Variants in HPSE observed in about 807,000 individuals in gnomAD.
The protein encoded by HPSE is heparanase.
HPSE carries 48 observed loss-of-function variants against 65.1 expected under a neutral mutation model. That is an observed-to-expected ratio of 0.74 (90% CI 0.58 to 0.94). HPSE has a LOEUF of 0.94. HPSE is among the 40% of genes least tolerant of loss of function. The pLI, the probability that HPSE is intolerant of heterozygous loss-of-function variation, is 0.00. For synonymous variants in HPSE, 243 were observed against 260.0 expected, an observed-to-expected ratio of 0.93 and a Z score of 0.63; for missense variants, 644 against 637.5, an observed-to-expected ratio of 1.01 and a Z score of -0.11.
chr4:83,306,146 G>A (rs1322782184), intron 9 of HPSE, 57 bp downstream of exon 9: 2 of 974,158 alleles, frequency 2.1e-6, no homozygotes, highest in African/African-American at 1.6e-5. Context: ...TAACACCAGA[G>A]GTCCTGAGTT....
intron 3 of HPSE, among the ~76,000 whole-genome samples, chr4:83,314,118 T>C (rs1206730562): frequency 6.6e-6 from 1 of 151,808 alleles, no homozygotes; most frequent in Non-Finnish European, 1.5e-5. Context: ...CCGGGCATGA[T>C]GGTAAGCACC....
At chr4:83,301,200 TA>T in intron 10 of HPSE, 94 bp from the exon 11 acceptor site, 1 of 754,516 alleles carries the variant, frequency 1.3e-6, no homozygotes, top group African/African-American at 1.8e-5. Context: ...TTAGTATCCA[TA>T]ATGACAATCC....
chr4:83,296,682 A>C (rs1735735372), intron 11 of HPSE, among the ~76,000 whole-genome samples: 1 of 151,950 alleles, frequency 6.6e-6, no homozygotes. Context: ...AAAAAGAAAA[A>C]AAAAAAAAAG....
chr4:83,319,503 T>A, intron 2 of HPSE, 34 bp from the exon 3 acceptor site: 1 of 1,600,412 alleles, frequency 6.2e-7, no homozygotes, highest in Non-Finnish European at 8.6e-7. Context: ...GAAGGTCTGT[T>A]TTCACAGTGA....
intron 1 of HPSE, among the ~76,000 whole-genome samples, chr4:83,331,256 A>T (rs1261439309): frequency 6.6e-6 from 1 of 152,158 alleles, no homozygotes. Flanking sequence ...TAAATAATAC[A>T]CGCCAGATTA....
intron 9 of HPSE, among the ~76,000 whole-genome samples, chr4:83,303,304 T>C (rs1736026973): frequency 6.6e-6 from 1 of 152,194 alleles, no homozygotes; most frequent in Non-Finnish European, 1.5e-5. Flanking sequence ...TACCTGTTTT[T>C]TCACATTAAT....
chr4:83,304,759 G>C (rs1736090057), intron 9 of HPSE, among the ~76,000 whole-genome samples: 1 of 152,118 alleles, frequency 6.6e-6, no homozygotes, highest in Non-Finnish European at 1.5e-5. Context: ...CAAGACAAAT[G>C]GCTTTTGTTT....
In HPSE at chr4:83,319,278, C is replaced by A. The variant is rs934797913; in HGVS notation, c.499+66G>T. The A allele has an allele frequency of 4.6e-6, 7 of 1,517,754 alleles. No homozygotes were observed. The South Asian group carries it at 6.9e-5, about 15-fold the overall frequency. The allele number at this position is 1,517,754 out of a possible 1,614,324, so 94.0% of individuals were successfully genotyped here. A position where few individuals can be genotyped will look rare whatever the true frequency, so the allele number is the denominator to read the frequency against. On this transcript the variant is annotated intron_variant, in intron 3 of 11. Coordinates refer to ENST00000311412, the MANE Select transcript of HPSE (RefSeq NM_001098540.3). Reference sequence around the variant, plus strand: ...TTCCGTAGGACTTGCTAGATTGGTGCCCGAGTCCAACCTATTCAAATATCT... The same window carrying A: ...TTCCGTAGGACTTGCTAGATTGGTGACCGAGTCCAACCTATTCAAATATCT...
chr4:83,334,974 A>G, upstream of HPSE: 1 of 774,454 alleles, frequency 1.3e-6, no homozygotes, highest in Non-Finnish European at 1.8e-6. Flanking sequence ...TCCCAATCCA[A>G]CCCCGCCCCG....
chr4:83,334,388 T>G (rs1737526702), intron 1 of HPSE, among the ~76,000 whole-genome samples, 168 bp downstream of exon 1: 1 of 150,336 alleles, frequency 6.7e-6, no homozygotes, highest in Admixed American at 6.6e-5. Flanking sequence ...GGTCTGAGAG[T>G]AAGGGAGGGA....
At chr4:83,297,414 A>G (rs964939740) in intron 11 of HPSE, among the ~76,000 whole-genome samples, 5 of 151,062 alleles carry the variant, frequency 3.3e-5, no homozygotes, top group Admixed American at 6.6e-5. Context: ...ACCCCAGCAC[A>G]TCCTAACTTT....
At chr4:83,327,854 C>T (rs1737210974) in intron 1 of HPSE, among the ~76,000 whole-genome samples, 1 of 152,100 alleles carries the variant, frequency 6.6e-6, no homozygotes, top group Non-Finnish European at 1.5e-5. Flanking sequence ...TCCCAGAGAG[C>T]CAGTTGTTAA....
Position 83,322,789 on chromosome 4 carries a change from T to TG in HPSE, c.228-426_228-425insC, listed in dbSNP as rs1560514324. ...AGCTCTAATTCTGGCAAGAGCTTGT[T>TG]TGTGTGTGTGTGTGTGTGTGTGTGT... On this transcript the variant is annotated intron_variant, in intron 1 of 11. Transcript: ENST00000311412. 9.6e-3 allele frequency among the ~76,000 whole-genome samples: 996 copies of TG among 104,050 alleles called. 29 individuals are homozygous for TG. The highest frequency in any genetic ancestry group is 0.019 in the African/African-American group (522 of 27,436). 68.3% of individuals were successfully genotyped at this position (104,050 alleles called of 152,430 possible). A position where few individuals can be genotyped will look rare whatever the true frequency, so the allele number is the denominator to read the frequency against.
chr4:83,304,270 T>G (rs1736073137), intron 9 of HPSE, among the ~76,000 whole-genome samples: 1 of 152,218 alleles, frequency 6.6e-6, no homozygotes, highest in African/African-American at 2.4e-5. Flanking sequence ...GAAGTTATCT[T>G]CAGTGATTAA....
chr4:83,302,231 C>A lies in HPSE; in HGVS notation c.1244G>T (p.Gly415Val), dbSNP rs368692638. The A allele has an allele frequency of 6.2e-7, 1 of 1,613,672 alleles. No homozygotes were observed. Among genetic ancestry groups the A allele is most frequent in the African/African-American group, 1.3e-5 (1 of 75,040 alleles). The change falls in exon 10 of 12, where the codon GGC becomes GTC. Residue 415 changes from glycine (G) to valine (V), a missense_variant. Coordinates refer to ENST00000311412, the MANE Select transcript of HPSE (RefSeq NM_001098540.3). ...WLSLLFKKLVGTKVLMASVQG... is the reference protein window; with the variant it reads ...WLSLLFKKLVVTKVLMASVQG... ...CACGCTTGCCATTAACACCTTGGTG[C>A]CCACCAATTTCTTGAACAGAAGAGA...
chr4:83,308,664 T>G (rs1199988629), intron 8 of HPSE, among the ~76,000 whole-genome samples, 181 bp downstream of exon 8: 1 of 152,224 alleles, frequency 6.6e-6, no homozygotes, highest in African/African-American at 2.4e-5. Flanking sequence ...TTTGGAACAC[T>G]TGTTAAAGAT....
chr4:83,324,122 T>TTC (rs1253137668), intron 1 of HPSE, among the ~76,000 whole-genome samples: 23 of 136,668 alleles, frequency 1.7e-4, no homozygotes, highest in African/African-American at 6.7e-4. Context: ...TCTTTTTTTT[T>TTC]TTTTTTTTTT....
rs200476869 is a variant in HPSE, at chr4:83,319,508, C to T, written c.374-39G>A. On this transcript the variant is annotated intron_variant, in intron 2 of 11. Coordinates refer to ENST00000311412, the MANE Select transcript of HPSE (RefSeq NM_001098540.3). ...AGATCATTTAGAAGGTCTGTTTTCA[C>T]AGTGAGCAGACTGAAATCGCATATA... is the stretch of plus-strand genomic sequence containing the variant. 35 of 1,594,342 alleles carry T rather than the reference C, an allele frequency of 2.2e-5. 2 individuals carry two copies. The South Asian group carries it at 3.8e-4, about 17-fold the overall frequency.
intron 11 of HPSE, among the ~76,000 whole-genome samples, chr4:83,297,340 T>C (rs368806033): frequency 7.4e-6 from 1 of 135,178 alleles, no homozygotes; most frequent in East Asian, 2.0e-4. Context: ...TGTACATACC[T>C]TTTTTTTTTT....
Sources: gnomAD v4.1 joint callset for allele counts (sites outside exome capture counted in the v4.1 genomes callset) on GRCh38, gnomAD v4.1.1 for gene constraint, MANE v1.5 for transcripts, NCBI Gene and HGNC (gene_info 2026-07-23, HGNC 2026-07-21) for gene names.